Variants in PACRG observed in about 807,000 individuals in gnomAD.
The protein encoded by PACRG is parkin coregulated.
Under a neutral mutation model 29.7 loss-of-function variants are expected in PACRG, and 29 were observed. The observed-to-expected ratio is 0.98, with a 90% CI of 0.73 to 1.33. The LOEUF is 1.33. Among genes scored for constraint, PACRG ranks in the 40% most tolerant of loss-of-function variants. The probability of loss-of-function intolerance (pLI) is 0.00; values close to 1 mark genes in which losing one functional copy is unlikely to be tolerated. For missense variants in PACRG, 279 were observed against 316.2 expected, an observed-to-expected ratio of 0.88 and a Z score of 0.89; for synonymous variants, 116 against 118.7, an observed-to-expected ratio of 0.98 and a Z score of 0.15.
intron 2 of PACRG, among the ~76,000 whole-genome samples, chr6:162,990,187 T>C (rs376572437): frequency 1.3e-4 from 19 of 151,458 alleles, no homozygotes; most frequent in Non-Finnish European, 2.4e-4. Context: ...TGAATAATGC[T>C]GCAATAAACA....
intron 4 of PACRG, among the ~76,000 whole-genome samples, chr6:163,234,258 G>A (rs994609540): frequency 1.3e-5 from 2 of 152,124 alleles, no homozygotes; most frequent in Admixed American, 1.3e-4. Flanking sequence ...AGGGTCATGG[G>A]GGGTGCAGAT....
chr6:162,905,051 A>G (rs911950607), intron 2 of PACRG, among the ~76,000 whole-genome samples: 6 of 150,332 alleles, frequency 4.0e-5, no homozygotes, highest in Admixed American at 3.9e-4. Context: ...GAAGAGAGAC[A>G]GGGGGAATTC....
At chr6:163,121,058 TAAC>T (rs1378107014) in intron 4 of PACRG, among the ~76,000 whole-genome samples, 2 of 152,208 alleles carry the variant, frequency 1.3e-5, no homozygotes, top group Non-Finnish European at 2.9e-5. Context: ...AGTCATAACA[TAAC>T]AACATCACTA....
intron 2 of PACRG, among the ~76,000 whole-genome samples, chr6:162,996,525 G>T (rs1177659151): frequency 6.6e-6 from 1 of 152,000 alleles, no homozygotes; most frequent in Non-Finnish European, 1.5e-5. Flanking sequence ...TGAGAAAAAT[G>T]AAACATTCCA....
chr6:163,210,202 A>T (rs537415503), intron 4 of PACRG, among the ~76,000 whole-genome samples: 38 of 152,344 alleles, frequency 2.5e-4, no homozygotes, highest in African/African-American at 9.1e-4. Context: ...GGACAGAATA[A>T]TGTACTAACT....
At chr6:162,754,882 A>T (rs1781783752) in intron 1 of PACRG, among the ~76,000 whole-genome samples, 1 of 152,152 alleles carries the variant, frequency 6.6e-6, no homozygotes, top group Non-Finnish European at 1.5e-5. Context: ...ATTGTTTTGT[A>T]GAATTCCACA....
At chr6:163,157,199 G>A (rs113646528) in intron 4 of PACRG, among the ~76,000 whole-genome samples, 4,524 of 152,264 alleles carry the variant, frequency 0.03, 195 homozygotes, top group African/African-American at 0.1. Context: ...TCCATCCTCC[G>A]TCCCGCGTCC....
intron 4 of PACRG, among the ~76,000 whole-genome samples, chr6:163,248,613 G>T (rs779663192): frequency 6.6e-6 from 1 of 152,214 alleles, no homozygotes; most frequent in African/African-American, 2.4e-5. Flanking sequence ...TTCCCATGAA[G>T]CCACAGAATT....
intron 2 of PACRG, among the ~76,000 whole-genome samples, chr6:162,945,504 C>T (rs1170754814): frequency 2.6e-5 from 4 of 152,016 alleles, no homozygotes; most frequent in East Asian, 1.9e-4. Context: ...ATATGTAAAG[C>T]AAGTATTAGT....
At chr6:162,862,203 A>G (rs1290166503) in intron 2 of PACRG, among the ~76,000 whole-genome samples, 1 of 152,226 alleles carries the variant, frequency 6.6e-6, no homozygotes, top group Non-Finnish European at 1.5e-5. Context: ...AGGTAGCCCC[A>G]GAGAGTCTTG....
chr6:163,102,642 G>A (rs1311669604), intron 4 of PACRG, among the ~76,000 whole-genome samples: 1 of 152,180 alleles, frequency 6.6e-6, no homozygotes, highest in East Asian at 1.9e-4. Context: ...GTGATGATAT[G>A]TATATCTTGC....
chr6:163,091,883 C>T (rs1399657521), intron 4 of PACRG, among the ~76,000 whole-genome samples: 3 of 152,094 alleles, frequency 2.0e-5, no homozygotes, highest in Non-Finnish European at 4.4e-5. Context: ...TCCTTAGTAA[C>T]AGATATAATT....
intron 3 of PACRG, among the ~76,000 whole-genome samples, chr6:163,072,054 AAGG>A (rs952644111): frequency 8.6e-5 from 13 of 152,016 alleles, no homozygotes; most frequent in Admixed American, 4.6e-4. Context: ...AAAAAAAATA[AAGG>A]AGAAGAGAAT....
At chr6:163,239,471 T>A (rs1782375636) in intron 4 of PACRG, among the ~76,000 whole-genome samples, 1 of 152,132 alleles carries the variant, frequency 6.6e-6, no homozygotes, top group African/African-American at 2.4e-5. Flanking sequence ...CCCAGAATCA[T>A]GTCTGTAAGA....
At chr6:162,808,264 CA>C (rs2128351181) in intron 1 of PACRG, among the ~76,000 whole-genome samples, 1 of 152,276 alleles carries the variant, frequency 6.6e-6, no homozygotes, top group East Asian at 1.9e-4. Context: ...AGGTCTTGCC[CA>C]CCCGTTTATA....
In PACRG at chr6:162,894,153, C is replaced by T. The variant is rs143494939; in HGVS notation, c.291+79872C>T. On this transcript the variant is annotated intron_variant, in intron 2 of 4. Transcript: ENST00000366888. ...ACACACGTCCTTCCCATGACTAAAA[C>T]TGCTGATGAATATGATAATATTTCT... Among the ~76,000 whole-genome samples, 9 of 152,286 alleles carry T rather than the reference C, an allele frequency of 5.9e-5. No homozygotes were observed. The East Asian group carries it at 1.7e-3, about 29-fold the overall frequency.
intron 4 of PACRG, among the ~76,000 whole-genome samples, chr6:163,281,397 T>A (rs952668194): frequency 6.6e-6 from 1 of 152,040 alleles, no homozygotes; most frequent in African/African-American, 2.4e-5. Flanking sequence ...GGGATGGAAG[T>A]GGGGTGGCAG....
intron 4 of PACRG, among the ~76,000 whole-genome samples, chr6:163,143,160 T>C (rs1777623157): frequency 1.3e-5 from 2 of 152,164 alleles, no homozygotes. Context: ...TGCAGAGAGC[T>C]CTCTGTACTA....
chr6:163,302,062 G>A (rs1055088476), intron 4 of PACRG, among the ~76,000 whole-genome samples: 2 of 152,096 alleles, frequency 1.3e-5, no homozygotes, highest in East Asian at 1.9e-4. Flanking sequence ...AATGTAACTC[G>A]GACAAATAAA....
Sources: gnomAD v4.1 joint callset for allele counts (sites outside exome capture counted in the v4.1 genomes callset) on GRCh38, gnomAD v4.1.1 for gene constraint, MANE v1.5 for transcripts, NCBI Gene and HGNC (gene_info 2026-07-23, HGNC 2026-07-21) for gene names.